Variants in TAF4B observed in about 807,000 individuals in gnomAD.
TAF4B encodes the protein TATA-box binding protein associated factor 4b.
A neutral mutation model predicts 86.4 loss-of-function variants in TAF4B; 38 were observed. That is an observed-to-expected ratio of 0.44 (90% confidence interval 0.34 to 0.58). The LOEUF (loss-of-function observed/expected upper bound fraction) is 0.58. Among genes scored for constraint, TAF4B ranks in the 20% least tolerant of loss-of-function variants. TAF4B has a pLI of 0.02. For synonymous variants in TAF4B, 388 were observed against 391.2 expected (o/e 0.99, Z 0.10); for missense variants, 988 against 1,027.6 (o/e 0.96, Z 0.53).
intron 9 of TAF4B, among the ~76,000 whole-genome samples, chr18:26,301,413 A>G (rs1191361948): frequency 6.6e-6 from 1 of 151,794 alleles, no homozygotes; most frequent in South Asian, 2.1e-4. Context: ...CAGCCTCCCA[A>G]GTAGCTGGGA....
intron 10 of TAF4B, 35 bp from the exon 11 acceptor site, chr18:26,321,035 C>T (rs1350299554): frequency 6.2e-7 from 1 of 1,612,480 alleles, no homozygotes; most frequent in South Asian, 1.1e-5. Context: ...TCAGCCACTA[C>T]TAAAACACGT....
Position 26,226,699 on chromosome 18 carries a change from C to A in TAF4B, c.-235C>A. Reference sequence around the variant, plus strand: ...GCTGAGGAAGCTGCGAGAGGTCGGGCGGGTGTCGCTCCGGGGGCAGCCCAG... The same window carrying A: ...GCTGAGGAAGCTGCGAGAGGTCGGGAGGGTGTCGCTCCGGGGGCAGCCCAG... On this transcript the variant is annotated 5_prime_UTR_variant, in exon 1 of 15. Transcript: ENST00000269142. The A allele has an allele frequency of 2.5e-6, 1 of 397,002 alleles. No individual in the cohort carries two copies. Among genetic ancestry groups the A allele is most frequent in the East Asian group, 3.8e-5 (1 of 26,322 alleles). 24.6% of individuals were successfully genotyped at this position (397,002 alleles called of 1,614,324 possible). A position where few individuals can be genotyped will look rare whatever the true frequency, so the allele number is the denominator to read the frequency against.
intron 12 of TAF4B, among the ~76,000 whole-genome samples, chr18:26,331,055 C>T (rs2057046610): frequency 6.6e-6 from 1 of 152,162 alleles, no homozygotes; most frequent in Non-Finnish European, 1.5e-5. Context: ...GGATATGGAG[C>T]ACCACAGCCT....
intron 14 of TAF4B, among the ~76,000 whole-genome samples, chr18:26,389,298 C>T (rs1978565487): frequency 6.6e-6 from 1 of 152,194 alleles, no homozygotes; most frequent in African/African-American, 2.4e-5. Flanking sequence ...CAGCGTGGTT[C>T]TCAAGAACCT....
At chr18:26,356,103 T>C (rs1038133965) in intron 13 of TAF4B, among the ~76,000 whole-genome samples, 8 of 152,208 alleles carry the variant, frequency 5.3e-5, no homozygotes, top group Non-Finnish European at 1.2e-4. Context: ...CTCACAGTTA[T>C]AGAGGCTAGG....
At chr18:26,312,124 C>T (rs1308102867) in intron 9 of TAF4B, among the ~76,000 whole-genome samples, 1 of 152,160 alleles carries the variant, frequency 6.6e-6, no homozygotes, top group African/African-American at 2.4e-5. Context: ...TTTCACAGCA[C>T]CTTCATCGAA....
rs986071202 is a variant in TAF4B at position 26,242,100 on chromosome 18, C to T, written c.343+14824C>T. On this transcript the variant is annotated intron_variant, in intron 1 of 14. Transcript: ENST00000269142. ...GAGAGTTCTGTAGATGTCTATTAGGCCTGCTTGGTGCAGAGCTGAGTTCAA... is the reference window on the plus strand; with the variant it reads ...GAGAGTTCTGTAGATGTCTATTAGGTCTGCTTGGTGCAGAGCTGAGTTCAA... Among the ~76,000 whole-genome samples the T allele has an allele frequency of 1.8e-3, 277 of 152,084 alleles. 1 individual carries two copies. Among genetic ancestry groups the T allele is most frequent in the African/African-American group, 6.5e-3 (270 of 41,498 alleles).
intron 11 of TAF4B, among the ~76,000 whole-genome samples, chr18:26,321,556 T>C: frequency 6.6e-6 from 1 of 151,718 alleles, no homozygotes; most frequent in Non-Finnish European, 1.5e-5. Context: ...TCCTTTTTTT[T>C]TTTTTGCCTT....
intron 9 of TAF4B, among the ~76,000 whole-genome samples, chr18:26,305,092 C>CTT (rs1044233838): frequency 6.6e-6 from 1 of 152,046 alleles, no homozygotes; most frequent in Non-Finnish European, 1.5e-5. Context: ...CAGTCTCTTC[C>CTT]TTTATGGCTT....
At chr18:26,303,656 C>T (rs1383553331) in intron 9 of TAF4B, among the ~76,000 whole-genome samples, 8 of 131,642 alleles carry the variant, frequency 6.1e-5, no homozygotes, top group East Asian at 2.4e-4. Flanking sequence ...CTTTCATACC[C>T]CCTCCACTTT....
At chr18:26,288,856 T>C (rs997773625) in intron 7 of TAF4B, among the ~76,000 whole-genome samples, 36 of 152,200 alleles carry the variant, frequency 2.4e-4, no homozygotes, top group Admixed American at 1.2e-3. Flanking sequence ...AAAGAAATAA[T>C]GCAACAAAAT....
At chr18:26,327,491 G>A (rs1400011019) in intron 12 of TAF4B, among the ~76,000 whole-genome samples, 60 of 152,320 alleles carry the variant, frequency 3.9e-4, no homozygotes, top group Non-Finnish European at 1.8e-4. Flanking sequence ...GGAAGGTTAT[G>A]GGTAAAATTA....
intron 9 of TAF4B, among the ~76,000 whole-genome samples, chr18:26,299,586 T>A (rs2056706909): frequency 6.6e-6 from 1 of 152,198 alleles, no homozygotes; most frequent in Non-Finnish European, 1.5e-5. Flanking sequence ...TAAGCTTTTG[T>A]GTAGAATTGT....
chr18:26,256,238 G>A, intron 1 of TAF4B: 2 of 1,572,570 alleles, frequency 1.3e-6, no homozygotes, highest in South Asian at 1.1e-5. Flanking sequence ...ATCCAGAACA[G>A]CTGTGGAAGT....
rs7242872 is a variant in TAF4B at position 26,293,336 on chromosome 18, A to C, written c.1727-90A>C. The C allele has an allele frequency of 0.1, 81,378 of 789,780 alleles. 4,547 individuals are homozygous for C. The highest frequency in any genetic ancestry group is 0.14 in the African/African-American group (7,971 of 56,234). 48.9% of individuals were successfully genotyped at this position (789,780 alleles called of 1,614,324 possible). On this transcript the variant is annotated intron_variant, in intron 8 of 14. Coordinates refer to ENST00000269142, the MANE Select transcript of TAF4B (RefSeq NM_005640.3). ...GCTTGGAATTTTCTTTGATTATTCT[A>C]TATATATAAAAAACGGTTGTCCTGG... is the stretch of plus-strand genomic sequence containing the variant.
At chr18:26,356,035 G>A (rs927857713) in intron 13 of TAF4B, among the ~76,000 whole-genome samples, 6 of 152,112 alleles carry the variant, frequency 3.9e-5, no homozygotes, top group African/African-American at 1.4e-4. Flanking sequence ...TAGTTCATTT[G>A]GGCTGCTATA....
intron 12 of TAF4B, among the ~76,000 whole-genome samples, chr18:26,328,003 T>C (rs931058604): frequency 6.6e-6 from 1 of 152,242 alleles, no homozygotes; most frequent in Non-Finnish European, 1.5e-5. Flanking sequence ...CATTTCTTCG[T>C]AGGCTTTGGG....
chr18:26,295,113 TTATATA>T (rs887155407), intron 9 of TAF4B: 3 of 201,504 alleles, frequency 1.5e-5, no homozygotes, highest in African/African-American at 7.2e-5. Context: ...ACTGCATAAT[TTATATA>T]TATATTTCAA....
At chr18:26,341,769 A>T (rs868190991) in intron 13 of TAF4B, among the ~76,000 whole-genome samples, 3 of 152,168 alleles carry the variant, frequency 2.0e-5, no homozygotes, top group African/African-American at 7.2e-5. Context: ...TTGAGGGCTT[A>T]AAAAAGATCT....
Sources: allele counts gnomAD v4.1 joint callset (sites outside exome capture counted in the v4.1 genomes callset), GRCh38; gene constraint gnomAD v4.1.1; transcripts MANE v1.5; gene names NCBI Gene and HGNC (gene_info 2026-07-23, HGNC 2026-07-21).